The following MAP3K9 variants were observed in gnomAD, a reference collection of about 807,000 sequenced individuals.
MAP3K9 encodes mitogen-activated protein kinase kinase kinase 9, also known as mixed lineage kinase 1 (tyr and ser/thr specificity).
A neutral mutation model predicts 95.8 loss-of-function variants in MAP3K9; 46 were observed. The observed-to-expected ratio is 0.48, with a 90% CI of 0.38 to 0.61. The LOEUF is 0.61. Among genes scored for constraint, MAP3K9 ranks in the 20% least tolerant of loss-of-function variants. The pLI is 0.00. For missense variants in MAP3K9, 1,296 were observed against 1,474.3 expected (o/e 0.88, Z 1.98); for synonymous variants, 533 against 593.8 (o/e 0.90, Z 1.49).
At position 70,808,993 on chromosome 14, in the gene MAP3K9, A is replaced by G; in HGVS notation, c.179T>C (p.Val60Ala). The G allele has an allele frequency of 2.6e-6, 4 of 1,551,232 alleles. No homozygotes were observed. Among genetic ancestry groups the G allele is most frequent in the Non-Finnish European group, 3.5e-6 (4 of 1,155,676 alleles). The change falls in exon 1 of 12, where the codon GTG becomes GCG. Residue 60 changes from valine (V) to alanine (A), a missense_variant. Val to Ala is a moderately conservative substitution (Grantham distance 64). Around this residue, in one of 5 missense-constraint regions of MAP3K9, gnomAD observed 338 missense variants for 363.4 expected, o/e 0.93. Coordinates refer to ENST00000554752, the MANE Select transcript of MAP3K9 (RefSeq NM_001284230.2). The part of the protein sequence containing the change: ...CDAPLPYWTA[V>A]FEYEAAGEDE... ...CTCGCCCGCCGCCTCGTACTCGAAC[A>G]CGGCCGTCCAGTAGGGCAGCGGCGC...
intron 2 of MAP3K9, among the ~76,000 whole-genome samples, chr14:70,781,812 G>T (rs924611070): frequency 6.6e-6 from 1 of 152,174 alleles, no homozygotes; most frequent in Non-Finnish European, 1.5e-5. Flanking sequence ...AACTGTACCA[G>T]CCCACAACTG....
In MAP3K9 at chr14:70,729,640, G is replaced by C. The variant is rs1450529916; in HGVS notation, c.*740C>G. 1 of 152,246 alleles carries C rather than the reference G, an allele frequency of 6.6e-6. No homozygotes were observed. Among genetic ancestry groups the C allele is most frequent in the Non-Finnish European group, 1.5e-5 (1 of 68,078 alleles). 9.4% of individuals were successfully genotyped at this position (152,246 alleles called of 1,614,324 possible). Reference sequence around the variant, plus strand: ...GCCCTTTGCCGAGAGTTTCCAAAAAGAACAAGGACATACTTCATGAACCTC... The same window carrying C: ...GCCCTTTGCCGAGAGTTTCCAAAAACAACAAGGACATACTTCATGAACCTC... On this transcript the variant is annotated 3_prime_UTR_variant, in exon 12 of 12. Coordinates refer to ENST00000554752, the MANE Select transcript of MAP3K9 (RefSeq NM_001284230.2).
intron 1 of MAP3K9, among the ~76,000 whole-genome samples, chr14:70,802,516 A>G (rs1238525504): frequency 6.6e-6 from 1 of 152,232 alleles, no homozygotes; most frequent in African/African-American, 2.4e-5. Context: ...CTATATGAGC[A>G]AAGTGTGTTT....
intron 9 of MAP3K9, among the ~76,000 whole-genome samples, chr14:70,735,210 G>C (rs544041898): frequency 1.4e-4 from 21 of 152,250 alleles, no homozygotes; most frequent in Admixed American, 3.3e-4. Flanking sequence ...ACTCTCCGAG[G>C]ATACAGCCTG....
intron 5 of MAP3K9, among the ~76,000 whole-genome samples, chr14:70,744,043 G>T (rs921885494): frequency 8.5e-5 from 13 of 152,228 alleles, no homozygotes; most frequent in Admixed American, 7.2e-4. Flanking sequence ...ATGAGTTCGT[G>T]TCTTTGCAGG....
intron 5 of MAP3K9, among the ~76,000 whole-genome samples, chr14:70,744,754 G>A (rs1204982148): frequency 1.3e-5 from 2 of 152,162 alleles, no homozygotes; most frequent in African/African-American, 2.4e-5. Context: ...AGAGCAGACC[G>A]TGCCCCTGCA....
chr14:70,764,489 T>C (rs1218988542), intron 2 of MAP3K9, among the ~76,000 whole-genome samples: 1 of 151,856 alleles, frequency 6.6e-6, no homozygotes. Flanking sequence ...CTGGAACCTA[T>C]GCCATGTCCC....
chr14:70,752,273 G>A (rs2054239264), intron 3 of MAP3K9, among the ~76,000 whole-genome samples: 1 of 152,284 alleles, frequency 6.6e-6, no homozygotes, highest in East Asian at 1.9e-4. Context: ...CTGTTTGTCT[G>A]CTAGCCTATA....
At chr14:70,801,148 T>TCAGGTAAA in intron 1 of MAP3K9, 68 bp from the exon 2 acceptor site, 1 of 1,460,432 alleles carries the variant, frequency 6.8e-7, no homozygotes, top group East Asian at 2.3e-5. Context: ...AACCTTTCAT[T>TCAGGTAAA]TACCTGAGTG....
intron 9 of MAP3K9, among the ~76,000 whole-genome samples, chr14:70,735,081 G>C (rs1302077161): frequency 6.6e-6 from 1 of 152,250 alleles, no homozygotes; most frequent in Non-Finnish European, 1.5e-5. Flanking sequence ...CTGTGGGACA[G>C]ACCTACGTGG....
intron 3 of MAP3K9, 117 bp from the exon 4 acceptor site, chr14:70,750,198 A>C: frequency 1.1e-6 from 1 of 928,172 alleles, no homozygotes; most frequent in Non-Finnish European, 1.6e-6. Flanking sequence ...GAGACTAATG[A>C]AACAGAAATA....
At chr14:70,780,480 A>G (rs1423501270) in intron 2 of MAP3K9, among the ~76,000 whole-genome samples, 2 of 152,198 alleles carry the variant, frequency 1.3e-5, no homozygotes, top group East Asian at 3.8e-4. Flanking sequence ...AAACAGAAGA[A>G]TAAGCACCAT....
rs749339201 is a variant in MAP3K9, at chr14:70,730,902, C to T, written c.2831-38G>A. The T allele has an allele frequency of 1.8e-5, 28 of 1,564,364 alleles. No individual in the cohort carries two copies. The South Asian group carries it at 3.2e-4, about 18-fold the overall frequency. On this transcript the variant is annotated intron_variant, in intron 11 of 11. Coordinates refer to ENST00000554752, the MANE Select transcript of MAP3K9 (RefSeq NM_001284230.2). The stretch of plus-strand genomic sequence containing the variant: ...ACAAAAGGAGAAGCATCAGATGAGG[C>T]ACCATATTTCGGGGTTAGATATCCG...
chr14:70,778,128 G>C (rs982670879), intron 2 of MAP3K9, among the ~76,000 whole-genome samples: 9 of 151,922 alleles, frequency 5.9e-5, no homozygotes, highest in African/African-American at 2.2e-4. Flanking sequence ...TTTGAGACAA[G>C]GTATCACTCT....
At chr14:70,780,132 G>A (rs1452346244) in intron 2 of MAP3K9, among the ~76,000 whole-genome samples, 1 of 152,196 alleles carries the variant, frequency 6.6e-6, no homozygotes, top group African/African-American at 2.4e-5. Flanking sequence ...GGGGAACAAG[G>A]GAACAAATCA....
intron 2 of MAP3K9, among the ~76,000 whole-genome samples, chr14:70,777,898 C>T (rs1316142617): frequency 2.0e-5 from 3 of 152,136 alleles, no homozygotes; most frequent in Non-Finnish European, 4.4e-5. Flanking sequence ...TTCCTCCCAG[C>T]CAACACGCAT....
chr14:70,787,962 C>T (rs1466678110), intron 2 of MAP3K9, among the ~76,000 whole-genome samples: 1 of 152,132 alleles, frequency 6.6e-6, no homozygotes, highest in African/African-American at 2.4e-5. Context: ...GGATGAAAAA[C>T]AGCAACACCT....
intron 5 of MAP3K9, among the ~76,000 whole-genome samples, chr14:70,745,687 G>A (rs1358581997): frequency 2.0e-5 from 3 of 151,464 alleles, no homozygotes; most frequent in South Asian, 2.1e-4. Context: ...GCAGTGAGCC[G>A]AGATCATGCC....
chr14:70,730,920 G>C, intron 11 of MAP3K9, 56 bp from the exon 12 acceptor site: 1 of 1,526,062 alleles, frequency 6.6e-7, no homozygotes, highest in Non-Finnish European at 8.8e-7. Context: ...TTCGGGGTTA[G>C]ATATCCGCTA....
Sources: gnomAD v4.1 joint callset for allele counts (sites outside exome capture counted in the v4.1 genomes callset) on GRCh38, gnomAD v4.1.1 for gene constraint, gnomAD v4.1.1 regional missense constraint, MANE v1.5 for transcripts, NCBI Gene and HGNC (gene_info 2026-07-23, HGNC 2026-07-21) for gene names.